ARSG: variants seen among roughly 807,000 people sequenced by gnomAD.
ARSG encodes arylsulfatase G, also known as ASG.
In ARSG, 37 loss-of-function variants were observed where a neutral mutation model predicts 50.5. That is an observed-to-expected ratio of 0.73 (90% CI 0.56 to 0.96). The LOEUF (loss-of-function observed/expected upper bound fraction) is 0.96. ARSG is among the 50% of genes least tolerant of loss of function. The pLI is 0.00. For synonymous variants in ARSG, 225 were observed against 254.6 expected (o/e 0.88, Z 1.11); for missense variants, 629 against 675.3 (o/e 0.93, Z 0.76).
the ARSG span, chr17:68,444,726 A>C: frequency 3.1e-6 from 2 of 641,142 alleles, no homozygotes; most frequent in Non-Finnish European, 5.2e-6. Flanking sequence ...CATTTTGAAG[A>C]TTGTGTTTAT....
chr17:68,421,960 A>G (rs2082810444), downstream of ARSG: 1 of 979,448 alleles, frequency 1.0e-6, no homozygotes, highest in African/African-American at 1.6e-5. Context: ...GAACTCGCTC[A>G]TGGCCACAGA....
rs1465552461 is a variant in ARSG at position 68,307,386 on chromosome 17, C to T, written c.-108C>T. ...CATCTTCTTGCAGATTCCACCCCTG[C>T]TCCCCAGAGACTTCCTGCTTTGAAA... is the stretch of plus-strand genomic sequence containing the variant. On this transcript the variant is annotated 5_prime_UTR_variant, in exon 2 of 12. Coordinates refer to ENST00000621439, the MANE Select transcript of ARSG (RefSeq NM_001267727.2). 5 of 850,738 alleles carry T rather than the reference C, an allele frequency of 5.9e-6. No individual in the cohort carries two copies. The East Asian group carries it at 9.7e-5, about 17-fold the overall frequency. The allele number at this position is 850,738 out of a possible 1,614,324, so 52.7% of individuals were successfully genotyped here.
chr17:68,446,135 AG>A, the ARSG span, among the ~76,000 whole-genome samples: 1 of 152,174 alleles, frequency 6.6e-6, no homozygotes, highest in Non-Finnish European at 1.5e-5. Context: ...AGAATGATGA[AG>A]GTCATCAGTG....
chr17:68,391,228 C>T (rs1420851559), intron 9 of ARSG, among the ~76,000 whole-genome samples: 4 of 152,048 alleles, frequency 2.6e-5, no homozygotes, highest in Non-Finnish European at 5.9e-5. Flanking sequence ...CTTTGGGCTG[C>T]ATGTGCCAGG....
intron 2 of ARSG, among the ~76,000 whole-genome samples, chr17:68,340,186 C>T (rs1247296023): frequency 1.3e-5 from 2 of 152,134 alleles, no homozygotes; most frequent in Non-Finnish European, 2.9e-5. Flanking sequence ...GTTGGCATAA[C>T]ATTCTTTTCT....
At chr17:68,364,046 CT>C (rs1396232909) in intron 6 of ARSG, among the ~76,000 whole-genome samples, 1 of 152,156 alleles carries the variant, frequency 6.6e-6, no homozygotes, top group Non-Finnish European at 1.5e-5. Flanking sequence ...CAGGCACCAT[CT>C]GGGGACACTT....
intron 1 of ARSG, among the ~76,000 whole-genome samples, chr17:68,282,779 T>TAAAAAAAAAA (rs36155626): frequency 1.7e-4 from 9 of 53,402 alleles, no homozygotes; most frequent in African/African-American, 4.6e-4. Flanking sequence ...CCATCTCTAC[T>TAAAAAAAAAA]AAAAAAAAAA....
intron 1 of ARSG, among the ~76,000 whole-genome samples, chr17:68,264,677 TCCACCCG>T (rs2075124640): frequency 6.6e-6 from 1 of 151,832 alleles, no homozygotes; most frequent in Admixed American, 6.6e-5. Flanking sequence ...CCTCAGGTGA[TCCACCCG>T]CCTTGGCCTC....
At chr17:68,314,525 C>CA (rs57021660) in intron 2 of ARSG, among the ~76,000 whole-genome samples, 4,370 of 116,880 alleles carry the variant, frequency 0.037, 105 homozygotes, top group African/African-American at 0.059. Context: ...GACTCCATCT[C>CA]AAAAAAAAAA....
intron 1 of ARSG, among the ~76,000 whole-genome samples, chr17:68,297,573 G>A (rs191395053): frequency 4.6e-5 from 7 of 152,312 alleles, no homozygotes; most frequent in Admixed American, 4.6e-4. Context: ...GCTGCAGGGA[G>A]TCTGGATTTT....
intron 9 of ARSG, among the ~76,000 whole-genome samples, chr17:68,386,563 G>C (rs2080735619): frequency 6.6e-6 from 1 of 152,162 alleles, no homozygotes; most frequent in African/African-American, 2.4e-5. Context: ...CAGTCAGGAG[G>C]GGGCAGCGTG....
chr17:68,302,160 G>A (rs2076443775), intron 1 of ARSG, among the ~76,000 whole-genome samples: 2 of 152,170 alleles, frequency 1.3e-5, no homozygotes, highest in South Asian at 2.1e-4. Flanking sequence ...AGTTGCTTCC[G>A]ACAACACGTG....
chr17:68,338,557 G>A (rs1487225968), intron 2 of ARSG, among the ~76,000 whole-genome samples: 1 of 152,128 alleles, frequency 6.6e-6, no homozygotes, highest in Non-Finnish European at 1.5e-5. Flanking sequence ...ATACCTGACT[G>A]CATAGTGCCA....
chr17:68,347,155 A>G lies in ARSG; in HGVS notation c.437A>G (p.Tyr146Cys). 2 of 1,614,068 alleles carry G rather than the reference A, an allele frequency of 1.2e-6. No individual in the cohort carries two copies. The highest frequency in any genetic ancestry group is 1.7e-6 in the Non-Finnish European group (2 of 1,179,972). ...GKWHLGHHGSYHPNFRGFDYY... is the reference protein window; with the variant it reads ...GKWHLGHHGSCHPNFRGFDYY... The stretch of plus-strand genomic sequence containing the variant: ...TGGCATCTTGGACACCACGGCTCTT[A>G]TCACCCCAACTTCCGTGGTAAGAAT... Residue 146 changes from tyrosine (Y) to cysteine (C), a missense_variant, in exon 4 of 12, where the codon TAT becomes TGT. Physicochemically the swap from Tyr to Cys is radical, Grantham distance 194. Transcript: ENST00000621439.
chr17:68,421,067 A>T (rs1291247439), downstream of ARSG: 3 of 155,004 alleles, frequency 1.9e-5, no homozygotes, highest in East Asian at 5.8e-4. Context: ...GAAATCCTAC[A>T]TTTCTATCAA....
At chr17:68,276,033 G>A (rs2075506394) in intron 1 of ARSG, among the ~76,000 whole-genome samples, 1 of 151,938 alleles carries the variant, frequency 6.6e-6, no homozygotes, top group South Asian at 2.1e-4. Context: ...ATAGAACCAG[G>A]AATGACTTCA....
chr17:68,261,784 A>T (rs538115093), intron 1 of ARSG, among the ~76,000 whole-genome samples: 1 of 152,198 alleles, frequency 6.6e-6, no homozygotes, highest in Admixed American at 6.5e-5. Flanking sequence ...TACACATCTC[A>T]GGGAAGGGAG....
chr17:68,283,750 C>T (rs190405793), intron 1 of ARSG, among the ~76,000 whole-genome samples: 26 of 151,640 alleles, frequency 1.7e-4, no homozygotes, highest in Admixed American at 1.4e-3. Flanking sequence ...TGGTGGCGCA[C>T]GCCTGTAATC....
chr17:68,343,909 G>A, intron 3 of ARSG, 118 bp downstream of exon 3: 2 of 1,060,266 alleles, frequency 1.9e-6, no homozygotes, highest in Non-Finnish European at 2.7e-6. Context: ...TGTGAGTTAG[G>A]GATGCTCTCA....
Sources: gnomAD v4.1 joint callset for allele counts (sites outside exome capture counted in the v4.1 genomes callset) on GRCh38, gnomAD v4.1.1 for gene constraint, MANE v1.5 for transcripts, NCBI Gene and HGNC (gene_info 2026-07-23, HGNC 2026-07-21) for gene names.